The following RGS3 variants were observed in gnomAD, a reference collection of about 807,000 sequenced individuals.
The protein encoded by RGS3 is regulator of G protein signaling 3, also known as regulator of G-protein signalling 3.
A neutral mutation model predicts 132.6 loss-of-function variants in RGS3; 80 were observed. The ratio of observed to expected loss-of-function variants is 0.60; its 90% confidence interval spans 0.50 to 0.73. The LOEUF (loss-of-function observed/expected upper bound fraction) is 0.73, where lower values mean the gene tolerates loss of function less well. Among genes scored for constraint, RGS3 ranks in the 30% least tolerant of loss-of-function variants. RGS3 has a pLI of 0.00. For missense variants in RGS3, 1,382 were observed against 1,530.8 expected (o/e 0.90, Z 1.62); for synonymous variants, 598 against 620.6 (o/e 0.96, Z 0.54).
upstream of RGS3, among the ~76,000 whole-genome samples, chr9:113,455,907 C>T (rs1829353554): frequency 6.6e-6 from 1 of 152,126 alleles, no homozygotes; most frequent in South Asian, 2.1e-4. Context: ...GGCTTTGAGT[C>T]CAGGGTGTTT....
At chr9:113,445,194 TTTTTTTG>T (rs768790861) in intron 1 of RGS3, among the ~76,000 whole-genome samples, 2 of 152,002 alleles carry the variant, frequency 1.3e-5, no homozygotes, top group Non-Finnish European at 2.9e-5. Flanking sequence ...TTTTCTTTTT[TTTTTTTG>T]TTTTTTGTTT....
At chr9:113,457,639 T>C (rs908686608), upstream of RGS3, among the ~76,000 whole-genome samples, 2 of 152,374 alleles carry the variant, frequency 1.3e-5, no homozygotes, top group African/African-American at 4.8e-5. Flanking sequence ...AATGGTTCTC[T>C]TGCTGGGAGC....
Position 113,479,487 on chromosome 9 carries a change from T to C in RGS3, c.416-4T>C. 6.2e-7 allele frequency: 1 copy of C among 1,614,184 alleles called. No homozygotes were observed. The highest frequency in any genetic ancestry group is 1.1e-5 in the South Asian group (1 of 91,086). On this transcript the variant is annotated splice_polypyrimidine_tract_variant and splice_region_variant and intron_variant, in intron 3 of 24. Coordinates refer to ENST00000350696, the Ensembl canonical transcript of RGS3. The stretch of plus-strand genomic sequence containing the variant: ...CAAGGTTGTTTCTGTTGCTGTTTCC[T>C]TAGGTCAGCTGAGGCTGTCCATTGA...
intron 1 of RGS3, among the ~76,000 whole-genome samples, chr9:113,451,996 T>C (rs1367063619): frequency 1.3e-5 from 2 of 152,126 alleles, no homozygotes; most frequent in African/African-American, 4.8e-5. Flanking sequence ...CTTTTTCTTC[T>C]TTTTGTTTTA....
chr9:113,529,296 G>C (rs74987192), intron 18 of RGS3, 32 bp downstream of exon 16: 9 of 1,574,514 alleles, frequency 5.7e-6, no homozygotes, highest in Non-Finnish European at 7.0e-6. Flanking sequence ...TGAGGAGAGA[G>C]ATCTTCGACC....
chr9:113,541,198 A>G, intron 19 of RGS3: 1 of 992,628 alleles, frequency 1.0e-6, no homozygotes, highest in Non-Finnish European at 1.5e-6. Context: ...GGGCCACTAG[A>G]GACAGCCCTG....
intron 19 of RGS3, among the ~76,000 whole-genome samples, chr9:113,552,849 A>G (rs1274116217): frequency 6.6e-6 from 1 of 152,154 alleles, no homozygotes; most frequent in Non-Finnish European, 1.5e-5. Context: ...TTTTTTGTTA[A>G]ATTTATTTGA....
At chr9:113,543,289 A>C (rs1832977773) in intron 19 of RGS3, among the ~76,000 whole-genome samples, 2 of 152,216 alleles carry the variant, frequency 1.3e-5, no homozygotes, top group African/African-American at 2.4e-5. Context: ...CTCAGCTGCT[A>C]TGGCCACTTG....
chr9:113,530,445 A>G (rs1468835288), intron 18 of RGS3, among the ~76,000 whole-genome samples: 1 of 152,238 alleles, frequency 6.6e-6, no homozygotes, highest in Non-Finnish European at 1.5e-5. Context: ...CCCCCGGAGC[A>G]CAGGAAGTGG....
intron 1 of RGS3, chr9:113,461,668 G>A (rs748497864): frequency 3.8e-6 from 6 of 1,593,206 alleles, no homozygotes; most frequent in African/African-American, 1.3e-5. Flanking sequence ...ATTACCGGGT[G>A]TAAGTGCCCA....
intron 21 of RGS3, chr9:113,594,177 C>T (rs555206859): frequency 1.9e-4 from 310 of 1,613,050 alleles, no homozygotes; most frequent in Middle Eastern, 8.2e-4. Flanking sequence ...CAGCCTGCAC[C>T]GTTGCTGCCC....
chr9:113,450,239 T>C (rs1829210033), intron 1 of RGS3, among the ~76,000 whole-genome samples: 1 of 151,996 alleles, frequency 6.6e-6, no homozygotes, highest in South Asian at 2.1e-4. Flanking sequence ...AGCTAAATTT[T>C]TTTTTGTATT....
chr9:113,501,308 CG>C, intron 10 of RGS3: 3 of 897,742 alleles, frequency 3.3e-6, no homozygotes, highest in African/African-American at 1.7e-5. Context: ...CCGCCGGGCC[CG>C]GGGAATACTA....
exon 9 of RGS3, chr9:113,497,397 G>A (rs766924077): frequency 6.8e-5 from 110 of 1,612,788 alleles, no homozygotes; most frequent in Non-Finnish European, 6.6e-5. Context: ...GACTGCGGCC[G>A]CTGAGAGGTA....
At position 113,463,135 on chromosome 9, in the gene RGS3, G is replaced by T. The variant is rs1028290037; in HGVS notation, c.415+934G>T. 6.6e-6 allele frequency among the ~76,000 whole-genome samples: 1 copy of T among 152,194 alleles called. No homozygotes were observed. The highest frequency in any genetic ancestry group is 2.4e-5 in the African/African-American group (1 of 41,456). On this transcript the variant is annotated intron_variant, in intron 3 of 24. Transcript: ENST00000350696. This position sits in a 1 kb window ranked among gnomAD's most constrained non-coding sequence, Gnocchi z 4.6. ...CCGATGGCATCAGGCTGTGGGACGGGGGGCCATCAGGTTGGTTGGAGCAAG... is the reference window on the plus strand; with the variant it reads ...CCGATGGCATCAGGCTGTGGGACGGTGGGCCATCAGGTTGGTTGGAGCAAG...
chr9:113,575,491 C>T (rs1834472805), intron 19 of RGS3, among the ~76,000 whole-genome samples: 1 of 152,154 alleles, frequency 6.6e-6, no homozygotes, highest in African/African-American at 2.4e-5. Context: ...GAATGGGCAG[C>T]TGCCTCCAGG....
intron 10 of RGS3, among the ~76,000 whole-genome samples, chr9:113,502,604 G>A (rs1830950353): frequency 6.6e-6 from 1 of 152,214 alleles, no homozygotes; most frequent in Admixed American, 6.5e-5. Context: ...CGTCTGGATG[G>A]CAGAGTGGTG....
intron 19 of RGS3, among the ~76,000 whole-genome samples, chr9:113,575,704 T>C (rs977564451): frequency 1.3e-5 from 2 of 152,188 alleles, no homozygotes; most frequent in African/African-American, 4.8e-5. Flanking sequence ...GCCTGTTACC[T>C]GACGCCACTC....
intron 19 of RGS3, among the ~76,000 whole-genome samples, chr9:113,546,865 G>A (rs2118711494): frequency 6.6e-6 from 1 of 152,314 alleles, no homozygotes; most frequent in East Asian, 1.9e-4. Context: ...GAGTGATTCT[G>A]AAAATCTTGC....
Sources: allele counts gnomAD v4.1 joint callset (sites outside exome capture counted in the v4.1 genomes callset), GRCh38; gene constraint gnomAD v4.1.1; non-coding constraint Gnocchi (gnomAD v3.1); transcripts MANE v1.5; gene names NCBI Gene and HGNC (gene_info 2026-07-23, HGNC 2026-07-21).